TPD52L1: variants seen among roughly 807,000 people sequenced by gnomAD.
TPD52L1 encodes the protein TPD52 like 1, also known as tumor protein D53.
TPD52L1 carries 18 observed loss-of-function variants against 28.7 expected under a neutral mutation model. That is an observed-to-expected ratio of 0.63 (90% CI 0.43 to 0.93). The LOEUF (loss-of-function observed/expected upper bound fraction) is 0.93. Ranked by LOEUF, TPD52L1 falls within the 40% of genes least tolerant of loss-of-function variation. The pLI is 0.00. For missense variants in TPD52L1, 203 were observed against 254.8 expected (o/e 0.80, Z 1.39); for synonymous variants, 75 against 88.8 (o/e 0.84, Z 0.88).
intron 2 of TPD52L1, among the ~76,000 whole-genome samples, 163 bp downstream of exon 2, chr6:125,220,356 T>C (rs572909890): frequency 6.6e-6 from 1 of 152,368 alleles, no homozygotes; most frequent in East Asian, 1.9e-4. Flanking sequence ...TTTTCCAGGG[T>C]ATTTTTCTAC....
chr6:125,251,878 G>T, intron 4 of TPD52L1: 1 of 720,782 alleles, frequency 1.4e-6, no homozygotes, highest in South Asian at 1.8e-5. Context: ...TAAAAAGTCA[G>T]TGTAATCAAG....
At chr6:125,235,500 G>T (rs1796210225) in intron 3 of TPD52L1, among the ~76,000 whole-genome samples, 1 of 152,138 alleles carries the variant, frequency 6.6e-6, no homozygotes, top group East Asian at 1.9e-4. Flanking sequence ...AGCTGTCCTG[G>T]GCCACATGTG....
intron 2 of TPD52L1, among the ~76,000 whole-genome samples, chr6:125,228,876 T>C (rs1238527676): frequency 6.6e-6 from 1 of 152,094 alleles, no homozygotes; most frequent in Non-Finnish European, 1.5e-5. Context: ...TGTTTTTCTG[T>C]ACAATCTCAC....
intron 1 of TPD52L1, among the ~76,000 whole-genome samples, chr6:125,219,481 GT>G (rs1245936885): frequency 1.3e-5 from 2 of 152,196 alleles, no homozygotes; most frequent in Non-Finnish European, 2.9e-5. Flanking sequence ...CCTCAAGGTT[GT>G]TGTGGACGAC....
At chr6:125,172,539 T>TATATATATATTATATATATATATA (rs1791528614) in intron 1 of TPD52L1, among the ~76,000 whole-genome samples, 2 of 95,042 alleles carry the variant, frequency 2.1e-5, no homozygotes, top group Non-Finnish European at 4.0e-5. Flanking sequence ...TATATATATA[T>TATATATATATTATATATATATATA]ATATATATAT....
rs1287676591 is a variant in TPD52L1, at chr6:125,263,143, C to T, written c.*181C>T. On this transcript the variant is annotated 3_prime_UTR_variant, in exon 7 of 7. Transcript: ENST00000534000. ...ATTTGTATTTGTGTTGATGATGGAC[C>T]ACTTGACCATCACATTTCAGTATTC... The T allele has an allele frequency of 7.4e-6, 5 of 678,282 alleles. No individual in the cohort carries two copies. The highest frequency in any genetic ancestry group is 2.8e-5 in the East Asian group (1 of 35,274). 42.0% of individuals were successfully genotyped at this position (678,282 alleles called of 1,614,324 possible). A position where few individuals can be genotyped will look rare whatever the true frequency, so the allele number is the denominator to read the frequency against.
At chr6:125,187,658 G>C (rs189993623) in intron 1 of TPD52L1, among the ~76,000 whole-genome samples, 10 of 152,290 alleles carry the variant, frequency 6.6e-5, no homozygotes, top group Non-Finnish European at 1.2e-4. Flanking sequence ...ACAAGATGGA[G>C]AGGAGTTTAT....
At chr6:125,174,506 A>G (rs192331203) in intron 1 of TPD52L1, among the ~76,000 whole-genome samples, 2 of 152,324 alleles carry the variant, frequency 1.3e-5, no homozygotes, top group African/African-American at 2.4e-5. Flanking sequence ...TGAAGCATCA[A>G]TTGTACCTAC....
intron 1 of TPD52L1, among the ~76,000 whole-genome samples, chr6:125,161,572 A>G (rs1336919284): frequency 6.6e-6 from 1 of 152,130 alleles, no homozygotes; most frequent in African/African-American, 2.4e-5. Context: ...AGAGACTATT[A>G]TAGGGTTAAT....
intron 1 of TPD52L1, among the ~76,000 whole-genome samples, chr6:125,189,777 T>C (rs971808470): frequency 2.0e-5 from 3 of 152,190 alleles, no homozygotes; most frequent in South Asian, 2.1e-4. Flanking sequence ...AATCTGATAC[T>C]GAAGGAACTC....
intron 6 of TPD52L1, chr6:125,261,571 C>A (rs895785555): frequency 2.0e-5 from 3 of 150,844 alleles, no homozygotes; most frequent in Non-Finnish European, 4.4e-5. Context: ...GTCAAGCAGA[C>A]CATATTTTTA....
At chr6:125,165,384 A>G (rs1301038685) in intron 1 of TPD52L1, among the ~76,000 whole-genome samples, 1 of 152,154 alleles carries the variant, frequency 6.6e-6, no homozygotes, top group Non-Finnish European at 1.5e-5. Flanking sequence ...TGGGTCCTCA[A>G]GGAAAGATGA....
intron 1 of TPD52L1, among the ~76,000 whole-genome samples, chr6:125,172,537 T>TATATATATATTATATATATATATA (rs1562214490): frequency 0.017 from 1,537 of 88,852 alleles, 56 homozygotes; most frequent in South Asian, 0.026. Flanking sequence ...TATATATATA[T>TATATATATATTATATATATATATA]ATATATATAT....
intron 1 of TPD52L1, among the ~76,000 whole-genome samples, chr6:125,163,129 C>T (rs1243934531): frequency 3.3e-5 from 5 of 152,134 alleles, no homozygotes; most frequent in East Asian, 3.9e-4. Context: ...AGTTGAGAGT[C>T]GTTCCTGTGG....
chr6:125,207,298 T>C (rs1794215966), intron 1 of TPD52L1, among the ~76,000 whole-genome samples: 1 of 152,206 alleles, frequency 6.6e-6, no homozygotes, highest in South Asian at 2.1e-4. Context: ...ATAGCATGAA[T>C]TCTGTAACCT....
In TPD52L1 at chr6:125,229,145, C is replaced by G; in HGVS notation, c.163C>G (p.Gln55Glu). ...AGAAGACGAAATTACAACACTACGA[C>G]AAGTTTTGTCAGCGAAAGAAAGGCA... is the stretch of plus-strand genomic sequence containing the variant. ...QLEDEITTLR[Q>E]VLSAKERHLV... is the part of the protein sequence containing the mutation. The change falls in exon 3 of 7, where the codon CAA becomes GAA. Residue 55 changes from glutamine (Q) to glutamate (E), a missense_variant. Transcript: ENST00000534000. The G allele has an allele frequency of 6.2e-7, 1 of 1,613,228 alleles. No homozygotes were observed.
At chr6:125,206,928 C>T (rs746792003) in intron 1 of TPD52L1, among the ~76,000 whole-genome samples, 8 of 152,082 alleles carry the variant, frequency 5.3e-5, no homozygotes, top group Non-Finnish European at 8.8e-5. Context: ...TTTATTTTTC[C>T]TCATGCAGTC....
intron 1 of TPD52L1, among the ~76,000 whole-genome samples, chr6:125,186,054 C>T (rs924632067): frequency 1.3e-5 from 2 of 151,842 alleles, no homozygotes; most frequent in Non-Finnish European, 2.9e-5. Context: ...CCACCACGCC[C>T]GGCTAATTTT....
At chr6:125,249,876 A>G (rs1458570690) in intron 4 of TPD52L1, among the ~76,000 whole-genome samples, 1 of 152,108 alleles carries the variant, frequency 6.6e-6, no homozygotes, top group Non-Finnish European at 1.5e-5. Flanking sequence ...GGACATGTGC[A>G]TGAATCTGAG....
Sources: allele counts gnomAD v4.1 joint callset (sites outside exome capture counted in the v4.1 genomes callset), GRCh38; gene constraint gnomAD v4.1.1; transcripts MANE v1.5; gene names NCBI Gene and HGNC (gene_info 2026-07-23, HGNC 2026-07-21).